CEP78: variants seen among roughly 807,000 people sequenced by gnomAD.
CEP78 encodes centrosomal protein of 78 kDa.
A neutral mutation model predicts 81.2 loss-of-function variants in CEP78; 76 were observed. The observed-to-expected ratio is 0.94, with a 90% confidence interval of 0.78 to 1.13. The LOEUF (loss-of-function observed/expected upper bound fraction) is 1.13. Ranked by LOEUF, CEP78 falls within the 50% of genes most tolerant of loss-of-function variation. The pLI is 0.00. For missense variants in CEP78, 918 were observed against 846.8 expected (o/e 1.08, Z -1.04); for synonymous variants, 293 against 301.4 (o/e 0.97, Z 0.29).
At chr9:78,237,665 T>C (rs1826019366) in intron 1 of CEP78, among the ~76,000 whole-genome samples, 1 of 152,098 alleles carries the variant, frequency 6.6e-6, no homozygotes. Flanking sequence ...TAGAGTTGGA[T>C]GTTTATCCTG....
At chr9:78,256,448 C>A (rs183779086) in intron 11 of CEP78, among the ~76,000 whole-genome samples, 1,800 of 151,960 alleles carry the variant, frequency 0.012, 23 homozygotes, top group Non-Finnish European at 0.013. Context: ...CTGAGAATAT[C>A]CTGCCATACT....
In CEP78 at chr9:78,264,364, G is replaced by A. The variant is rs372644894; in HGVS notation, c.1625+48G>A. ...CATTCGTCCCTCCATGACTTTAATGGTGTTTTGCTGAGGAACTTGAGCAAT... is the reference window on the plus strand; with the variant it reads ...CATTCGTCCCTCCATGACTTTAATGATGTTTTGCTGAGGAACTTGAGCAAT... On this transcript the variant is annotated intron_variant, in intron 13 of 16. Transcript: ENST00000643273. 263 of 1,549,752 alleles carry A rather than the reference G, an allele frequency of 1.7e-4. 1 individual carries two copies. The African/African-American group carries it at 3.3e-3, about 20-fold the overall frequency.
intron 15 of CEP78, 142 bp from the exon 16 acceptor site, chr9:78,266,300 G>T (rs948338151): frequency 2.7e-5 from 17 of 619,352 alleles, no homozygotes; most frequent in Non-Finnish European, 4.4e-5. Context: ...AGTTAAGTTG[G>T]CAATCACTTG....
rs1390360452 is a variant in CEP78, at chr9:78,274,399, C to G, written c.*3548C>G. 6.6e-6 allele frequency: 1 copy of G among 152,078 alleles called. No individual in the cohort carries two copies. The highest frequency in any genetic ancestry group is 1.5e-5 in the Non-Finnish European group (1 of 68,024). 9.4% of individuals were successfully genotyped at this position (152,078 alleles called of 1,614,324 possible). ...TTTTGGTGATGAACAGTTCTGTATC[C>G]TGATTGCGGTGGTGGTAACGTGAGT... On this transcript the variant is annotated 3_prime_UTR_variant, in exon 17 of 17. Transcript: ENST00000643273.
At chr9:78,236,653 T>G (rs2118050585) in intron 1 of CEP78, 50 bp downstream of exon 1, 1 of 1,508,758 alleles carries the variant, frequency 6.6e-7, no homozygotes, top group African/African-American at 1.4e-5. Flanking sequence ...GCGAAGTGGG[T>G]TTTTAGGTGA....
At chr9:78,256,128 A>G (rs1827011795) in intron 11 of CEP78, among the ~76,000 whole-genome samples, 1 of 152,258 alleles carries the variant, frequency 6.6e-6, no homozygotes, top group African/African-American at 2.4e-5. Context: ...GGAAATGAGT[A>G]TGAAACCGAT....
intron 10 of CEP78, 29 bp downstream of exon 10, chr9:78,253,306 A>AT: frequency 9.7e-7 from 1 of 1,035,746 alleles, no homozygotes. Context: ...TATAATATGT[A>AT]GGGGATTGGA....
intron 12 of CEP78, 111 bp downstream of exon 12, chr9:78,263,095 T>C: frequency 2.0e-6 from 1 of 508,674 alleles, no homozygotes; most frequent in Non-Finnish European, 3.5e-6. Context: ...ATATAGTGTA[T>C]TGCAAATGGT....
intron 16 of CEP78, among the ~76,000 whole-genome samples, chr9:78,270,280 A>G (rs187067218): frequency 3.2e-4 from 49 of 152,360 alleles, no homozygotes; most frequent in African/African-American, 1.2e-3. Context: ...CATATTTTAC[A>G]TATATTTTAT....
rs1394289087 is a variant in CEP78, at chr9:78,265,391, A to C, written c.1645A>C (p.Met549Leu). The C allele has an allele frequency of 1.0e-5, 16 of 1,599,912 alleles. No individual in the cohort carries two copies. The highest frequency in any genetic ancestry group is 1.3e-5 in the Non-Finnish European group (15 of 1,175,112). Reference sequence around the variant, plus strand: ...GACCAGGCTTGGGCAGCTTGCCACAATGGCTGGGATAGATCAGTCAGATTT... The same window carrying C: ...GACCAGGCTTGGGCAGCTTGCCACACTGGCTGGGATAGATCAGTCAGATTT... ...KDAGLGQLAT[M>L]AGIDQSDFQL... The change falls in exon 14 of 17, where the codon ATG becomes CTG. Residue 549 changes from methionine (M) to leucine (L), a missense_variant. Physicochemically the swap from Met to Leu is conservative, Grantham distance 15. Coordinates refer to ENST00000643273, the MANE Select transcript of CEP78 (RefSeq NM_001330691.3).
At chr9:78,248,078 G>C (rs1201854003) in intron 6 of CEP78, among the ~76,000 whole-genome samples, 2 of 152,140 alleles carry the variant, frequency 1.3e-5, no homozygotes, top group Admixed American at 6.5e-5. Context: ...TGCCAAAATA[G>C]TAGCCATCAG....
In CEP78 at chr9:78,270,942, T is replaced by TA; in HGVS notation, c.*91_*92insA. The TA allele has an allele frequency of 1.6e-6, 1 of 625,252 alleles. No individual in the cohort carries two copies. Among genetic ancestry groups the TA allele is most frequent in the Non-Finnish European group, 2.8e-6 (1 of 355,194 alleles). The allele number at this position is 625,252 out of a possible 1,614,324, so 38.7% of individuals were successfully genotyped here. A position where few individuals can be genotyped will look rare whatever the true frequency, so the allele number is the denominator to read the frequency against. On this transcript the variant is annotated 3_prime_UTR_variant, in exon 17 of 17. Transcript: ENST00000643273. ...AAATTTCTGGAAGATAAGAAGCAGA[T>TA]GATTTAAGTACCAGTTAATTAAAGG...
chr9:78,263,891 G>C (rs1468123913), intron 12 of CEP78, among the ~76,000 whole-genome samples: 8 of 151,984 alleles, frequency 5.3e-5, no homozygotes, highest in Admixed American at 5.2e-4. Flanking sequence ...GAATGATCCA[G>C]GTATGTATTT....
Position 78,248,859 on chromosome 9 carries a change from C to T in CEP78, c.1055C>T (p.Ala352Val). 3 of 1,569,224 alleles carry T rather than the reference C, an allele frequency of 1.9e-6. No individual in the cohort carries two copies. The highest frequency in any genetic ancestry group is 1.7e-6 in the Non-Finnish European group (2 of 1,149,844). The change falls in exon 8 of 17, where the codon GCT (alanine) becomes GTT (valine). Residue 352 changes from alanine (A) to valine (V), a missense_variant. By Grantham distance (64) the Ala-to-Val change is moderately conservative (BLOSUM62 0). Transcript: ENST00000643273. The stretch of plus-strand genomic sequence containing the variant: ...CTAGGAAGTGGTCACAAAGGAAAAG[C>T]TACTATTAGAATTGGTAACCTTTTC... ...IILGSGHKGK[A>V]TIRIGLATKK...
chr9:78,257,565 A>G (rs1827095906), intron 11 of CEP78, among the ~76,000 whole-genome samples: 1 of 152,162 alleles, frequency 6.6e-6, no homozygotes, highest in Non-Finnish European at 1.5e-5. Context: ...TCCTTGAAGC[A>G]TGTTACTATG....
chr9:78,248,994 G>A, intron 8 of CEP78, 121 bp downstream of exon 8: 1 of 450,656 alleles, frequency 2.2e-6, no homozygotes, highest in Non-Finnish European at 4.0e-6. Flanking sequence ...CATATTATGA[G>A]GTCTGTAATT....
At position 78,265,920 on chromosome 9, in the gene CEP78, T is replaced by C. The variant is rs374715946; in HGVS notation, c.1845+14T>C. On this transcript the variant is annotated intron_variant, in intron 15 of 16. Transcript: ENST00000643273. ...ACACTAATGAAGGTACAAGTACTGA[T>C]ATAGATAATTTTTCAGAATAAGTAA... 39 of 1,255,722 alleles carry C rather than the reference T, an allele frequency of 3.1e-5. No individual in the cohort carries two copies. The highest frequency in any genetic ancestry group is 4.1e-5 in the Non-Finnish European group (36 of 877,926). The allele number at this position is 1,255,722 out of a possible 1,614,324, so 77.8% of individuals were successfully genotyped here. A position where few individuals can be genotyped will look rare whatever the true frequency, so the allele number is the denominator to read the frequency against.
Position 78,277,628 on chromosome 9 carries a change from G to T in CEP78, c.*6777G>T, listed in dbSNP as rs1016473759. ...GAGGAAAGGAGTATTCTCAGTCATT[G>T]TAGAAATTGATACAGCTTTTGGATG... On this transcript the variant is annotated 3_prime_UTR_variant, in exon 17 of 17. Transcript: ENST00000643273. 2 of 152,192 alleles carry T rather than the reference G, an allele frequency of 1.3e-5. No individual in the cohort carries two copies. Among genetic ancestry groups the T allele is most frequent in the Non-Finnish European group, 1.5e-5 (1 of 68,020 alleles). 9.4% of individuals were successfully genotyped at this position (152,192 alleles called of 1,614,324 possible). A position where few individuals can be genotyped will look rare whatever the true frequency, so the allele number is the denominator to read the frequency against.
At chr9:78,239,497 GAT>G (rs1458068447) in intron 1 of CEP78, among the ~76,000 whole-genome samples, 1 of 152,096 alleles carries the variant, frequency 6.6e-6, no homozygotes, top group East Asian at 1.9e-4. Context: ...TTATCTCTTT[GAT>G]ACTCCAACAG....
Sources: gnomAD v4.1 joint callset for allele counts (sites outside exome capture counted in the v4.1 genomes callset) on GRCh38, gnomAD v4.1.1 for gene constraint, MANE v1.5 for transcripts, NCBI Gene and HGNC (gene_info 2026-07-23, HGNC 2026-07-21) for gene names.